SAMMSON: variants seen among roughly 807,000 people sequenced by gnomAD.
The protein encoded by SAMMSON is survival associated mitochondrial melanoma specific oncogenic non-coding RNA.
At chr3:70,275,378 G>A (rs1702013984) in intron 6 of SAMMSON, among the ~76,000 whole-genome samples, 1 of 152,072 alleles carries the variant, frequency 6.6e-6, no homozygotes, top group South Asian at 2.1e-4. Context: ...AGTTGGGTGT[G>A]GTGGCATGTG....
intron 9 of SAMMSON, among the ~76,000 whole-genome samples, chr3:70,370,920 G>A (rs1180429606): frequency 6.6e-6 from 1 of 151,976 alleles, no homozygotes; most frequent in African/African-American, 2.4e-5. Context: ...TTTTCCCTAG[G>A]TTTTCTTCTA....
At chr3:70,150,544 T>G (rs2067567285) in intron 4 of SAMMSON, among the ~76,000 whole-genome samples, 1 of 152,054 alleles carries the variant, frequency 6.6e-6, no homozygotes, top group South Asian at 2.1e-4. Context: ...GAACCATAGT[T>G]GGCTTTGTTT....
At chr3:70,312,115 T>A (rs1053165408) in intron 7 of SAMMSON, 14 of 388,736 alleles carry the variant, frequency 3.6e-5, no homozygotes, top group Middle Eastern at 1.3e-3. Context: ...CAATGTTAAG[T>A]CTTAACATTT....
intron 6 of SAMMSON, among the ~76,000 whole-genome samples, chr3:70,256,504 GTTC>G (rs940208926): frequency 3.3e-5 from 5 of 152,150 alleles, no homozygotes; most frequent in Non-Finnish European, 4.4e-5. Context: ...AGTTCATTTA[GTTC>G]TTCTTAAGTG....
At chr3:70,003,551 T>C (rs2066914524) in intron 1 of SAMMSON, among the ~76,000 whole-genome samples, 1 of 151,880 alleles carries the variant, frequency 6.6e-6, no homozygotes, top group Admixed American at 6.6e-5. Flanking sequence ...TTAGGACTTT[T>C]AACTTTATTA....
intron 4 of SAMMSON, among the ~76,000 whole-genome samples, chr3:70,203,130 G>A (rs1030300323): frequency 5.3e-5 from 8 of 152,082 alleles, no homozygotes; most frequent in African/African-American, 1.7e-4. Context: ...TCTCCCAGAA[G>A]TGATCCCAGA....
intron 3 of SAMMSON, among the ~76,000 whole-genome samples, chr3:70,019,213 G>C (rs1316648608): frequency 6.6e-6 from 1 of 152,192 alleles, no homozygotes; most frequent in South Asian, 2.1e-4. Context: ...TTGTGTGGGA[G>C]TCTAAGTCTG....
chr3:70,075,351 T>C (rs1408349279), intron 4 of SAMMSON: 5 of 152,110 alleles, frequency 3.3e-5, no homozygotes, highest in Non-Finnish European at 7.4e-5. Context: ...TCATGCTCTG[T>C]TAAAACAAAA....
intron 9 of SAMMSON, among the ~76,000 whole-genome samples, chr3:70,377,538 G>C (rs1417916594): frequency 6.6e-6 from 1 of 151,990 alleles, no homozygotes; most frequent in African/African-American, 2.4e-5. Context: ...AATAAAACCT[G>C]ATAAGAGAAT....
chr3:70,295,853 T>C (rs56194113), intron 7 of SAMMSON, among the ~76,000 whole-genome samples: 60,796 of 152,048 alleles, frequency 0.4, 12,621 homozygotes, highest in South Asian at 0.56. Context: ...AAGCTGAATG[T>C]GGTTTAATAG....
chr3:70,324,453 A>C (rs1374362865), intron 7 of SAMMSON, among the ~76,000 whole-genome samples: 1 of 68,620 alleles, frequency 1.5e-5, no homozygotes, highest in Non-Finnish European at 3.7e-5. Context: ...TCCGTGGTCA[A>C]ATATATTTGA....
downstream of SAMMSON, among the ~76,000 whole-genome samples, chr3:70,392,523 T>C (rs1459728494): frequency 6.6e-6 from 1 of 152,138 alleles, no homozygotes; most frequent in Non-Finnish European, 1.5e-5. Context: ...AGGCTCACCC[T>C]AGGCAAGGCC....
chr3:70,316,440 G>C (rs932862307), intron 7 of SAMMSON, among the ~76,000 whole-genome samples: 1 of 152,002 alleles, frequency 6.6e-6, no homozygotes, highest in South Asian at 2.1e-4. Context: ...AAAGATTTCT[G>C]GATTAGATCC....
intron 4 of SAMMSON, among the ~76,000 whole-genome samples, chr3:70,176,984 G>A (rs1283569190): frequency 6.6e-6 from 1 of 152,134 alleles, no homozygotes; most frequent in African/African-American, 2.4e-5. Flanking sequence ...TCTATGAGAT[G>A]TTTGCTTTAA....
chr3:70,377,183 AG>A (rs1410455338), intron 9 of SAMMSON, among the ~76,000 whole-genome samples: 1 of 152,172 alleles, frequency 6.6e-6, no homozygotes, highest in African/African-American at 2.4e-5. Flanking sequence ...TGGAAGAATA[AG>A]TGTCCAAAAT....
At chr3:70,432,253 GATTT>G (rs1701420161) in intron 2 of SAMMSON, among the ~76,000 whole-genome samples, 1 of 151,510 alleles carries the variant, frequency 6.6e-6, no homozygotes, top group African/African-American at 2.4e-5. Context: ...ACTCATTGTG[GATTT>G]TTTTCATGTA....
intron 3 of SAMMSON, among the ~76,000 whole-genome samples, chr3:70,019,964 A>T (rs2067004974): frequency 6.6e-6 from 1 of 152,288 alleles, no homozygotes; most frequent in African/African-American, 2.4e-5. Context: ...CCTCTCTGTG[A>T]AGAAATGCTT....
chr3:70,228,538 T>C (rs766596538), intron 4 of SAMMSON, among the ~76,000 whole-genome samples: 3 of 152,052 alleles, frequency 2.0e-5, no homozygotes, highest in Non-Finnish European at 1.5e-5. Flanking sequence ...CTTTGTTTGT[T>C]TGTTTGTTTT....
chr3:70,015,675 A>G (rs1397994157), intron 3 of SAMMSON, among the ~76,000 whole-genome samples: 1 of 151,870 alleles, frequency 6.6e-6, no homozygotes, highest in Non-Finnish European at 1.5e-5. Flanking sequence ...TTAACTCGTC[A>G]TTTACTTTAG....
Sources: gnomAD v4.1 joint callset for allele counts (sites outside exome capture counted in the v4.1 genomes callset) on GRCh38, gnomAD v4.1.1 for gene constraint, MANE v1.5 for transcripts, NCBI Gene and HGNC (gene_info 2026-07-23, HGNC 2026-07-21) for gene names.